Variants in RAB38 observed in about 807,000 individuals in gnomAD.
RAB38 encodes ras-related protein Rab-38.
In RAB38, 15 loss-of-function variants were observed where a neutral mutation model predicts 18.4. The ratio of observed to expected loss-of-function variants is 0.82; its 90% CI spans 0.55 to 1.26. The LOEUF (loss-of-function observed/expected upper bound fraction) is 1.26, where lower values mean the gene tolerates loss of function less well. Ranked by LOEUF, RAB38 falls within the 50% of genes most tolerant of loss-of-function variation. The pLI is 0.00. For missense variants in RAB38, 294 were observed against 267.4 expected (o/e 1.10, Z -0.69); for synonymous variants, 101 against 104.4 (o/e 0.97, Z 0.20).
At chr11:87,829,852 A>C in the RAB38 span, among the ~76,000 whole-genome samples, 2 of 152,188 alleles carry the variant, frequency 1.3e-5, no homozygotes, top group African/African-American at 2.4e-5. Flanking sequence ...CAACTTTACT[A>C]ATAGCACATA....
At chr11:87,844,163 G>A in the RAB38 span, among the ~76,000 whole-genome samples, 1 of 151,988 alleles carries the variant, frequency 6.6e-6, no homozygotes, top group South Asian at 2.1e-4. Context: ...CTTTTCCCAT[G>A]GGTTATTGTA....
chr11:87,842,023 A>T, the RAB38 span, among the ~76,000 whole-genome samples: 2 of 152,058 alleles, frequency 1.3e-5, no homozygotes, highest in East Asian at 3.9e-4. Context: ...ACACTTTGTC[A>T]CAGAAAGGGA....
At chr11:88,166,230 C>T (rs377288102) in intron 1 of RAB38, 1 of 152,002 alleles carries the variant, frequency 6.6e-6, no homozygotes, top group African/African-American at 2.4e-5. Context: ...ATTAGAAATG[C>T]TATTTAAAGC....
At chr11:87,868,578 G>GGAGA in the RAB38 span, among the ~76,000 whole-genome samples, 6 of 59,248 alleles carry the variant, frequency 1.0e-4, no homozygotes, top group African/African-American at 1.7e-4. Context: ...AAGGAGTGAG[G>GGAGA]GAGAGAGAGA....
the RAB38 span, among the ~76,000 whole-genome samples, chr11:87,813,846 GCTTAGTTAAA>G: frequency 1.3e-5 from 2 of 152,134 alleles, no homozygotes; most frequent in Non-Finnish European, 2.9e-5. Flanking sequence ...TATTAGTATA[GCTTAGTTAAA>G]CTTTCGTTTA....
At chr11:88,108,927 T>A (rs962089409), downstream of RAB38, among the ~76,000 whole-genome samples, 1 of 152,214 alleles carries the variant, frequency 6.6e-6, no homozygotes, top group African/African-American at 2.4e-5. Flanking sequence ...AAATTCTGGT[T>A]TGAAAATTCT....
chr11:88,121,945 GCTT>G (rs1361277101), intron 2 of RAB38, among the ~76,000 whole-genome samples: 1 of 152,174 alleles, frequency 6.6e-6, no homozygotes, highest in Non-Finnish European at 1.5e-5. Context: ...TTTGGCTACT[GCTT>G]CTTTCTAAAT....
At chr11:87,871,524 A>G in the RAB38 span, among the ~76,000 whole-genome samples, 5 of 151,660 alleles carry the variant, frequency 3.3e-5, no homozygotes, top group Non-Finnish European at 7.4e-5. Flanking sequence ...TAAAAGCATA[A>G]ATTAGTCCAT....
chr11:87,941,451 A>G, the RAB38 span, among the ~76,000 whole-genome samples: 2 of 151,442 alleles, frequency 1.3e-5, no homozygotes, highest in Non-Finnish European at 2.9e-5. Flanking sequence ...AAAAATCAAA[A>G]GGCACATCCC....
At chr11:88,049,456 C>G in the RAB38 span, among the ~76,000 whole-genome samples, 1 of 147,340 alleles carries the variant, frequency 6.8e-6, no homozygotes, top group Non-Finnish European at 1.5e-5. Context: ...CAGAGAATAA[C>G]CCCCCCGATT....
the RAB38 span, among the ~76,000 whole-genome samples, chr11:87,877,484 TC>T: frequency 6.6e-6 from 1 of 151,716 alleles, no homozygotes; most frequent in African/African-American, 2.4e-5. Flanking sequence ...GTTTGCTAAT[TC>T]TGACTCCTGT....
chr11:87,899,515 G>A, the RAB38 span, among the ~76,000 whole-genome samples: 1 of 151,578 alleles, frequency 6.6e-6, no homozygotes, highest in Non-Finnish European at 1.5e-5. Flanking sequence ...TTTGGCCATT[G>A]TTATATCAAG....
chr11:88,168,376 A>G lies in RAB38; in HGVS notation c.202+6807T>C, dbSNP rs1454933305. On this transcript the variant is annotated intron_variant, in intron 1 of 2. Transcript: ENST00000243662. The stretch of plus-strand genomic sequence containing the variant: ...TCCTCACACATTGTAATCTTCAGCT[A>G]GGTCAGATTACTGAAGCCCGCATGA... 2.0e-5 allele frequency among the ~76,000 whole-genome samples: 3 copies of G among 152,276 alleles called. No homozygotes were observed. In the East Asian group the frequency reaches 5.8e-4, roughly 29 times the overall value.
chr11:87,863,022 G>C, the RAB38 span, among the ~76,000 whole-genome samples: 1 of 151,878 alleles, frequency 6.6e-6, no homozygotes, highest in African/African-American at 2.4e-5. Context: ...GACACAGGCT[G>C]AATGTTATTT....
chr11:88,025,704 C>T, the RAB38 span, among the ~76,000 whole-genome samples: 1 of 152,074 alleles, frequency 6.6e-6, no homozygotes, highest in African/African-American at 2.4e-5. Context: ...CTTCTGCCCA[C>T]TTTTTAATGG....
the RAB38 span, among the ~76,000 whole-genome samples, chr11:87,969,209 A>G: frequency 1.3e-5 from 2 of 152,114 alleles, no homozygotes; most frequent in African/African-American, 2.4e-5. Flanking sequence ...TTCCAACTCG[A>G]TATTACTCAA....
the RAB38 span, among the ~76,000 whole-genome samples, chr11:87,923,547 CTGTG>C: frequency 0.048 from 7,048 of 146,870 alleles, 523 homozygotes; most frequent in African/African-American, 0.16. Context: ...TCAATTAATT[CTGTG>C]TGTGTGTGTG....
the RAB38 span, among the ~76,000 whole-genome samples, chr11:87,952,301 C>T: frequency 6.6e-6 from 1 of 152,164 alleles, no homozygotes; most frequent in East Asian, 1.9e-4. Flanking sequence ...AGGTGGGCCT[C>T]AATGACCTCA....
chr11:87,821,096 A>AG, the RAB38 span, among the ~76,000 whole-genome samples: 1 of 152,214 alleles, frequency 6.6e-6, no homozygotes, highest in Non-Finnish European at 1.5e-5. Context: ...AGAATTTTCC[A>AG]GCAGAAATAA....
Sources: gnomAD v4.1 joint callset for allele counts (sites outside exome capture counted in the v4.1 genomes callset) on GRCh38, gnomAD v4.1.1 for gene constraint, MANE v1.5 for transcripts, NCBI Gene and HGNC (gene_info 2026-07-23, HGNC 2026-07-21) for gene names.